MTMR8: variants seen among roughly 807,000 people sequenced by gnomAD.
The protein encoded by MTMR8 is phosphatidylinositol-3,5-bisphosphate 3-phosphatase MTMR8.
MTMR8 carries 65 observed loss-of-function variants against 39.3 expected under a neutral mutation model. The ratio of observed to expected loss-of-function variants is 1.65; its 90% CI spans 1.35 to 2.03. The LOEUF is 2.03. Ranked by LOEUF, MTMR8 falls within the 30% of genes most tolerant of loss-of-function variation. The probability of loss-of-function intolerance (pLI) is 0.00; values close to 1 mark genes in which losing one functional copy is unlikely to be tolerated. For missense variants in MTMR8, 777 were observed against 538.9 expected (o/e 1.44, Z -4.37); for synonymous variants, 245 against 185.2 (o/e 1.32, Z -2.62).
intron 11 of MTMR8, 56 bp from the exon 12 acceptor site, chrX:64,328,956 A>G (rs1922874917): frequency 8.9e-7 from 1 of 1,117,943 alleles, no homozygotes; most frequent in African/African-American, 1.9e-5. Flanking sequence ...AGTAATCTCA[A>G]TAGTCCTGTT....
At chrX:64,355,086 A>G (rs1293539273) in intron 3 of MTMR8, 152 bp from the exon 4 acceptor site, 1 of 401,253 alleles carries the variant, frequency 2.5e-6, no homozygotes, top group South Asian at 8.6e-5. Context: ...GTTTGCCTTT[A>G]TGTAAGGAAT....
intron 7 of MTMR8, 150 bp downstream of exon 7, chrX:64,344,895 C>G: frequency 2.0e-6 from 1 of 510,954 alleles, no homozygotes; most frequent in Non-Finnish European, 3.1e-6. Flanking sequence ...ACTATTTAAG[C>G]TAGATTTGTA....
At chrX:64,269,623 T>C (rs1931712500) in intron 13 of MTMR8, among the ~76,000 whole-genome samples, 1 of 111,344 alleles carries the variant, frequency 9.0e-6, no homozygotes, top group African/African-American at 3.3e-5. Flanking sequence ...ACAACAGTGA[T>C]TCTTTGGGGT....
At chrX:64,352,443 C>T (rs185371648) in intron 4 of MTMR8, among the ~76,000 whole-genome samples, 7 of 111,708 alleles carry the variant, frequency 6.3e-5, no homozygotes, top group South Asian at 7.6e-4. Context: ...ACCTGAGGAA[C>T]GGTCTTTGGG....
At chrX:64,296,298 G>T (rs1420486868) in intron 12 of MTMR8, among the ~76,000 whole-genome samples, 2 of 111,340 alleles carry the variant, frequency 1.8e-5, no homozygotes, top group East Asian at 2.8e-4. Flanking sequence ...ATAGAGGGCT[G>T]CCAGGGGCTG....
intron 12 of MTMR8, among the ~76,000 whole-genome samples, chrX:64,314,157 C>T (rs1399137428): frequency 8.9e-6 from 1 of 112,518 alleles, no homozygotes; most frequent in African/African-American, 3.2e-5. Flanking sequence ...GCTAGAAGGG[C>T]CGAGGTGCTC....
At chrX:64,317,390 T>G (rs1922498703) in intron 12 of MTMR8, among the ~76,000 whole-genome samples, 2 of 111,638 alleles carry the variant, frequency 1.8e-5, no homozygotes, top group Admixed American at 1.9e-4. Flanking sequence ...TTATTTATTT[T>G]TTTCGTCAGT....
At position 64,380,387 on chromosome X, in the gene MTMR8, C is replaced by T. The variant is rs189869887; in HGVS notation, c.24+14953G>A. 1.1e-4 allele frequency among the ~76,000 whole-genome samples: 12 copies of T among 112,597 alleles called. No homozygotes were observed. The South Asian group carries it at 4.4e-3, about 41-fold the overall frequency. The stretch of plus-strand genomic sequence containing the variant: ...CCAGTGGTACTACCTGGGCTATATG[C>T]CAGGGGAGATTTAACAAAACATATT... On this transcript the variant is annotated intron_variant, in intron 1 of 13. Transcript: ENST00000374852.
At chrX:64,319,324 T>C (rs1922562758) in intron 12 of MTMR8, among the ~76,000 whole-genome samples, 1 of 112,607 alleles carries the variant, frequency 8.9e-6, no homozygotes. Flanking sequence ...GATGAGTAGA[T>C]TGCAAAAATT....
At chrX:64,352,400 C>T (rs1041097939) in intron 4 of MTMR8, among the ~76,000 whole-genome samples, 1 of 111,367 alleles carries the variant, frequency 9.0e-6, no homozygotes, top group Non-Finnish European at 1.9e-5. Flanking sequence ...GACTATACAC[C>T]GAGTCCTATG....
At chrX:64,301,831 G>C (rs1235579382) in intron 12 of MTMR8, among the ~76,000 whole-genome samples, 1 of 111,900 alleles carries the variant, frequency 8.9e-6, no homozygotes, top group African/African-American at 3.2e-5. Flanking sequence ...TGCCGTGTGA[G>C]GTGTCAGTGT....
chrX:64,291,753 T>C (rs899104517), intron 12 of MTMR8, among the ~76,000 whole-genome samples: 4 of 111,790 alleles, frequency 3.6e-5, no homozygotes, highest in Admixed American at 9.6e-5. Flanking sequence ...CACGTTCGCA[T>C]AACTTTGGCA....
intron 2 of MTMR8, among the ~76,000 whole-genome samples, chrX:64,357,822 T>C (rs1208397023): frequency 1.8e-5 from 2 of 111,737 alleles, no homozygotes; most frequent in Admixed American, 1.9e-4. Flanking sequence ...AAATCAAAGA[T>C]CTTCCAGTCA....
chrX:64,367,958 C>T (rs1469848689), intron 1 of MTMR8, among the ~76,000 whole-genome samples: 2 of 111,799 alleles, frequency 1.8e-5, no homozygotes, highest in East Asian at 2.8e-4. Flanking sequence ...CATTCCTATA[C>T]ATCAATAACA....
chrX:64,386,845 A>T (rs1439513775), intron 1 of MTMR8, among the ~76,000 whole-genome samples: 1 of 109,552 alleles, frequency 9.1e-6, no homozygotes, highest in African/African-American at 3.3e-5. Context: ...GGAGTTCAAG[A>T]CCAGCCTGGG....
intron 1 of MTMR8, among the ~76,000 whole-genome samples, chrX:64,381,809 G>C (rs1310514219): frequency 1.8e-5 from 2 of 111,450 alleles, no homozygotes; most frequent in Admixed American, 9.5e-5. Flanking sequence ...TCCAGTTTCA[G>C]CTTTCTACAT....
intron 5 of MTMR8, 24 bp downstream of exon 5, chrX:64,349,918 A>G: frequency 9.0e-7 from 1 of 1,112,995 alleles, no homozygotes; most frequent in Non-Finnish European, 1.2e-6. Context: ...TTTAATTATC[A>G]TTAGAGAAAT....
At chrX:64,361,121 C>A (rs1167457720) in intron 1 of MTMR8, among the ~76,000 whole-genome samples, 2 of 111,052 alleles carry the variant, frequency 1.8e-5, no homozygotes, top group African/African-American at 6.5e-5. Flanking sequence ...CTATTATGAA[C>A]AACAATATGC....
intron 12 of MTMR8, among the ~76,000 whole-genome samples, chrX:64,297,598 T>G (rs1268765112): frequency 4.4e-5 from 4 of 91,493 alleles, no homozygotes; most frequent in African/African-American, 1.6e-4. Context: ...AGATCCCATT[T>G]GTCAATTTTG....
Sources: gnomAD v4.1 joint callset for allele counts (sites outside exome capture counted in the v4.1 genomes callset) on GRCh38, gnomAD v4.1.1 for gene constraint, MANE v1.5 for transcripts, NCBI Gene and HGNC (gene_info 2026-07-23, HGNC 2026-07-21) for gene names.